Variants in FBLN1 observed in about 807,000 individuals in gnomAD.
The protein encoded by FBLN1 is fibulin-1.
Under a neutral mutation model 89.7 loss-of-function variants are expected in FBLN1, and 34 were observed. The ratio of observed to expected loss-of-function variants is 0.38; its 90% CI spans 0.29 to 0.50. The LOEUF (loss-of-function observed/expected upper bound fraction) is 0.50, where lower values mean the gene tolerates loss of function less well. Ranked by LOEUF, FBLN1 falls within the 20% of genes least tolerant of loss-of-function variation. FBLN1 has a pLI of 0.92. For missense variants in FBLN1, 777 were observed against 988.1 expected (o/e 0.79, Z 2.86); for synonymous variants, 393 against 391.3 (o/e 1.00, Z -0.05).
chr22:45,532,284 G>A lies in FBLN1; in HGVS notation c.545-779G>A, dbSNP rs1209167625. Among the ~76,000 whole-genome samples the A allele has an allele frequency of 3.3e-5, 5 of 152,146 alleles. No individual in the cohort carries two copies. Among genetic ancestry groups the A allele is most frequent in the African/African-American group, 1.2e-4 (5 of 41,432 alleles). The stretch of plus-strand genomic sequence containing the variant: ...TTTCTGGGGAGGGGAGAGCTGGTCT[G>A]CAAGGAGGAGGTGGGATTAGCTGGG... On this transcript the variant is annotated intron_variant, in intron 5 of 16. Coordinates refer to ENST00000327858, the MANE Select transcript of FBLN1 (RefSeq NM_006486.3). This position sits in a 1 kb window ranked among gnomAD's most constrained non-coding sequence, Gnocchi z 4.2.
At chr22:45,514,034 G>A (rs1203176453) in intron 1 of FBLN1, among the ~76,000 whole-genome samples, 4 of 151,886 alleles carry the variant, frequency 2.6e-5, no homozygotes, top group Non-Finnish European at 4.4e-5. Context: ...CTCATGATCC[G>A]CCCACCTCGA....
intron 7 of FBLN1, among the ~76,000 whole-genome samples, chr22:45,534,903 C>A (rs145795882): frequency 3.9e-4 from 59 of 152,250 alleles, no homozygotes; most frequent in Non-Finnish European, 6.5e-4. Flanking sequence ...ATACACTTAG[C>A]CTGAATGAAT....
At chr22:45,571,133 AAAAG>A (rs1199488146) in intron 14 of FBLN1, among the ~76,000 whole-genome samples, 7 of 115,558 alleles carry the variant, frequency 6.1e-5, no homozygotes, top group South Asian at 3.0e-4. Flanking sequence ...AAAAAAAAAA[AAAAG>A]AAAGAAAGAA....
At chr22:45,568,586 TGTAGGGGAATGCTC>T (rs2088921339) in intron 14 of FBLN1, among the ~76,000 whole-genome samples, 3 of 137,570 alleles carry the variant, frequency 2.2e-5, no homozygotes, top group Admixed American at 7.0e-5. Flanking sequence ...AGAATGCTCC[TGTAGGGGAATGCTC>T]CTTCTGTAAG....
At position 45,580,694 on chromosome 22, in the gene FBLN1, G is replaced by T. The variant is rs1330756808; in HGVS notation, c.1972+3586G>T. ...CCGGAGCCCAGGGTTGACTGCTGCTGTGGTGGGCTAAGTTGCTGTGAGTTT... is the reference window on the plus strand; with the variant it reads ...CCGGAGCCCAGGGTTGACTGCTGCTTTGGTGGGCTAAGTTGCTGTGAGTTT... On this transcript the variant is annotated intron_variant, in intron 16 of 16. Coordinates refer to ENST00000327858, the MANE Select transcript of FBLN1 (RefSeq NM_006486.3). This position sits in a 1 kb window ranked among gnomAD's most constrained non-coding sequence, Gnocchi z 8.6. Among the ~76,000 whole-genome samples the T allele has an allele frequency of 6.6e-6, 1 of 152,240 alleles. No homozygotes were observed. The highest frequency in any genetic ancestry group is 2.4e-5 in the African/African-American group (1 of 41,478).
At chr22:45,526,600 G>C (rs2088331758) in intron 3 of FBLN1, among the ~76,000 whole-genome samples, 1 of 152,238 alleles carries the variant, frequency 6.6e-6, no homozygotes, top group Non-Finnish European at 1.5e-5. Flanking sequence ...GAATCTGAAT[G>C]AAGTCTGGAT....
In FBLN1 at chr22:45,543,473, T is replaced by A. The variant is rs1467248761; in HGVS notation, c.1268T>A (p.Leu423His). 6 of 1,613,784 alleles carry A rather than the reference T, an allele frequency of 3.7e-6. No homozygotes were observed. The highest frequency in any genetic ancestry group is 5.1e-6 in the Non-Finnish European group (6 of 1,180,004). The change falls in exon 11 of 17, where the codon CTC (leucine) becomes CAC (histidine). Residue 423 changes from leucine to histidine, a missense_variant. By Grantham distance (99) the Leu-to-His change is moderately conservative. Coordinates refer to ENST00000327858, the MANE Select transcript of FBLN1 (RefSeq NM_006486.3). ...HKCENTLGSYLCSCSVGFRLS... is the reference protein window; with the variant it reads ...HKCENTLGSYHCSCSVGFRLS... ...TGCGAGAACACGCTGGGCTCCTACC[T>A]CTGCAGCTGTTCCGTGGGCTTCCGG...
chr22:45,572,500 A>C lies in FBLN1; in HGVS notation c.1698-2011A>C, dbSNP rs1236175582. ...AGCTTATTATCCTGAAAATTAGAAA[A>C]TTCAAGGAAACAACCAAGTATTGAT... On this transcript the variant is annotated intron_variant, in intron 14 of 16. Coordinates refer to ENST00000327858, the MANE Select transcript of FBLN1 (RefSeq NM_006486.3). The surrounding 1 kb of genome is among the most constrained non-coding windows in gnomAD (Gnocchi z 5.8). Among the ~76,000 whole-genome samples, 1 of 152,246 alleles carries C rather than the reference A, an allele frequency of 6.6e-6. No homozygotes were observed. The highest frequency in any genetic ancestry group is 1.5e-5 in the Non-Finnish European group (1 of 68,038).
At position 45,550,535 on chromosome 22, in the gene FBLN1, C is replaced by T. The variant is rs754496450; in HGVS notation, c.1617C>T (p.Asn539=). The change falls in exon 14 of 17, where the codon AAC becomes AAT. Residue 539 remains asparagine, a synonymous_variant. Transcript: ENST00000327858. This position sits in a 1 kb window ranked among gnomAD's most constrained non-coding sequence, Gnocchi z 8.4. Reference sequence around the variant, plus strand: ...CTGGCATCCACAACTGCTCCATCAACGAGACCTGCTTCAACATCCAGGGCG... The same window carrying T: ...CTGGCATCCACAACTGCTCCATCAATGAGACCTGCTTCAACATCCAGGGCG... ...CVTGIHNCSI[N]ETCFNIQGGF... is the part of the protein sequence containing the mutation. 2.1e-5 allele frequency: 34 copies of T among 1,614,058 alleles called. No individual in the cohort carries two copies. Among genetic ancestry groups the T allele is most frequent in the East Asian group, 4.5e-5 (2 of 44,890 alleles).
intron 1 of FBLN1, among the ~76,000 whole-genome samples, chr22:45,508,025 C>T (rs1376778143): frequency 6.6e-6 from 1 of 152,148 alleles, no homozygotes; most frequent in Non-Finnish European, 1.5e-5. Flanking sequence ...CATGGTCTCC[C>T]CACAGCACGG....
chr22:45,553,074 C>G (rs1281079592), intron 14 of FBLN1, among the ~76,000 whole-genome samples: 1 of 152,200 alleles, frequency 6.6e-6, no homozygotes, highest in African/African-American at 2.4e-5. Context: ...GTCGATGGCC[C>G]CCCTGCCTTG....
chr22:45,594,941 AGTG>A (rs1276801634), intron 16 of FBLN1, among the ~76,000 whole-genome samples: 1 of 152,100 alleles, frequency 6.6e-6, no homozygotes, highest in Non-Finnish European at 1.5e-5. Context: ...TATGAAGAAA[AGTG>A]GTATCAGAAT....
chr22:45,567,937 G>A (rs1392545602), intron 14 of FBLN1, among the ~76,000 whole-genome samples: 1 of 152,168 alleles, frequency 6.6e-6, no homozygotes, highest in African/African-American at 2.4e-5. Flanking sequence ...GCCAGAGTGT[G>A]CACAGAGCCA....
intron 8 of FBLN1, among the ~76,000 whole-genome samples, chr22:45,538,784 T>G (rs542009070): frequency 6.6e-6 from 1 of 152,176 alleles, no homozygotes; most frequent in Admixed American, 6.5e-5. Context: ...GATTTCCTTG[T>G]GTAGCCAGAA....
chr22:45,591,133 G>C (rs2089132683), intron 16 of FBLN1, among the ~76,000 whole-genome samples: 1 of 152,212 alleles, frequency 6.6e-6, no homozygotes, highest in Admixed American at 6.5e-5. Context: ...AGGCCACAGA[G>C]CTTGGTGGAA....
At position 45,580,298 on chromosome 22, in the gene FBLN1, C is replaced by G. The variant is rs1426809654; in HGVS notation, c.1972+3190C>G. Among the ~76,000 whole-genome samples, 1 of 152,128 alleles carries G rather than the reference C, an allele frequency of 6.6e-6. No individual in the cohort carries two copies. Among genetic ancestry groups the G allele is most frequent in the Non-Finnish European group, 1.5e-5 (1 of 68,016 alleles). ...GGCTCTTGAGCCTCCTGGGCAGCCC[C>G]GTGCAGCTCTGTGCTGCCTGCAGCA... On this transcript the variant is annotated intron_variant, in intron 16 of 16. Coordinates refer to ENST00000327858, the MANE Select transcript of FBLN1 (RefSeq NM_006486.3). This position sits in a 1 kb window ranked among gnomAD's most constrained non-coding sequence, Gnocchi z 8.6.
intron 16 of FBLN1, among the ~76,000 whole-genome samples, chr22:45,582,634 A>G (rs768086501): frequency 1.1e-4 from 17 of 152,076 alleles, no homozygotes; most frequent in Admixed American, 2.0e-4. Context: ...GCTGGCTGCA[A>G]TTTAGGGAGG....
At chr22:45,543,364 G>A in intron 10 of FBLN1, 37 bp from the exon 11 acceptor site, 1 of 1,608,082 alleles carries the variant, frequency 6.2e-7, no homozygotes, top group African/African-American at 1.3e-5. Flanking sequence ...CCACTGTGTT[G>A]GACATTGCCC....
Position 45,562,809 on chromosome 22 carries a change from G to A in FBLN1, c.1698-11702G>A. 8.7e-7 allele frequency: 1 copy of A among 1,151,868 alleles called. No homozygotes were observed. The highest frequency in any genetic ancestry group is 1.3e-6 in the Non-Finnish European group (1 of 772,506). 71.4% of individuals were successfully genotyped at this position (1,151,868 alleles called of 1,614,324 possible). A position where few individuals can be genotyped will look rare whatever the true frequency, so the allele number is the denominator to read the frequency against. ...GGCTGAATCGGCCAGAGGGGCGGCG[G>A]GAGGCCCCGCCTGCCAGCCCCGCAT... is the stretch of plus-strand genomic sequence containing the variant. On this transcript the variant is annotated intron_variant, in intron 14 of 16. Coordinates refer to ENST00000327858, the MANE Select transcript of FBLN1 (RefSeq NM_006486.3). The surrounding 1 kb of genome is among the most constrained non-coding windows in gnomAD (Gnocchi z 7.8).
Sources: allele counts gnomAD v4.1 joint callset (sites outside exome capture counted in the v4.1 genomes callset), GRCh38; gene constraint gnomAD v4.1.1; non-coding constraint Gnocchi (gnomAD v3.1); transcripts MANE v1.5; gene names NCBI Gene and HGNC (gene_info 2026-07-23, HGNC 2026-07-21).